Variants in DPP10 observed in about 807,000 individuals in gnomAD.
DPP10 encodes the protein dipeptidyl peptidase like 10.
A neutral mutation model predicts 120.9 loss-of-function variants in DPP10; 33 were observed. The observed-to-expected ratio is 0.27, with a 90% CI of 0.21 to 0.37. DPP10 has a LOEUF of 0.37. DPP10 is among the 10% of genes least tolerant of loss of function. The pLI, the probability that DPP10 is intolerant of heterozygous loss-of-function variation, is 1.00. For synonymous variants in DPP10, 337 were observed against 326.1 expected, an observed-to-expected ratio of 1.03 and a Z score of -0.36; for missense variants, 816 against 942.8, an observed-to-expected ratio of 0.87 and a Z score of 1.76.
intron 1 of DPP10, among the ~76,000 whole-genome samples, chr2:115,014,927 G>A (rs902670462): frequency 5.4e-5 from 8 of 147,774 alleles, no homozygotes; most frequent in Non-Finnish European, 1.0e-4. Flanking sequence ...GAGGTACAAA[G>A]AGGAGCTGGT....
chr2:115,568,416 G>C (rs1483668196), intron 5 of DPP10, among the ~76,000 whole-genome samples: 1 of 152,198 alleles, frequency 6.6e-6, no homozygotes, highest in East Asian at 1.9e-4. Flanking sequence ...CCGGGAGGCA[G>C]AGCTTGCAGT....
At chr2:115,193,865 G>A (rs891521526) in intron 1 of DPP10, among the ~76,000 whole-genome samples, 8 of 152,078 alleles carry the variant, frequency 5.3e-5, no homozygotes, top group Admixed American at 1.3e-4. Flanking sequence ...GTGTCATCCA[G>A]TCCTGAAGGG....
At chr2:115,555,455 A>G (rs972661548) in intron 5 of DPP10, among the ~76,000 whole-genome samples, 3 of 152,128 alleles carry the variant, frequency 2.0e-5, no homozygotes, top group Non-Finnish European at 4.4e-5. Context: ...AATATATGGG[A>G]AAACTACGAT....
intron 1 of DPP10, among the ~76,000 whole-genome samples, chr2:114,687,080 T>C (rs748555953): frequency 1.3e-5 from 2 of 151,964 alleles, no homozygotes; most frequent in Non-Finnish European, 2.9e-5. Context: ...AATTCCCACG[T>C]AGGATAGGGT....
chr2:114,498,369 T>G (rs1682862572), intron 1 of DPP10, among the ~76,000 whole-genome samples: 2 of 152,276 alleles, frequency 1.3e-5, no homozygotes, highest in East Asian at 3.9e-4. Flanking sequence ...TATTCTCTAC[T>G]TCTGTAAGTT....
At chr2:115,556,185 T>C (rs2080198368) in intron 5 of DPP10, among the ~76,000 whole-genome samples, 1 of 152,032 alleles carries the variant, frequency 6.6e-6, no homozygotes, top group South Asian at 2.1e-4. Flanking sequence ...TTTTGTTTAA[T>C]AGCCAGATAC....
chr2:115,727,945 A>G lies in DPP10; in HGVS notation c.697+9A>G, dbSNP rs1223500354. On this transcript the variant is annotated intron_variant, in intron 8 of 25. Transcript: ENST00000410059. ...TGACTGGTTATATGAAGGTGAGTTG[A>G]TCAGATTTAGTTTCAAAGGAAACAA... 6.3e-7 allele frequency: 1 copy of G among 1,592,818 alleles called. No homozygotes were observed. The highest frequency in any genetic ancestry group is 8.5e-7 in the Non-Finnish European group (1 of 1,173,356).
At chr2:115,496,923 G>T (rs1434959737) in intron 3 of DPP10, among the ~76,000 whole-genome samples, 1 of 152,016 alleles carries the variant, frequency 6.6e-6, no homozygotes, top group Non-Finnish European at 1.5e-5. Flanking sequence ...CTGCTGATTG[G>T]TTGGGGGGGA....
At chr2:115,772,763 C>T (rs973327772) in intron 13 of DPP10, among the ~76,000 whole-genome samples, 5 of 152,172 alleles carry the variant, frequency 3.3e-5, no homozygotes, top group Non-Finnish European at 7.3e-5. Context: ...TCCTGCAATT[C>T]AGGCTGCAGT....
chr2:115,386,502 A>G (rs933901481), intron 3 of DPP10, among the ~76,000 whole-genome samples: 1 of 151,888 alleles, frequency 6.6e-6, no homozygotes, highest in Non-Finnish European at 1.5e-5. Context: ...GACAAAAGAA[A>G]AGGATTTTGA....
intron 1 of DPP10, among the ~76,000 whole-genome samples, chr2:114,542,863 C>T (rs1221930345): frequency 6.6e-6 from 1 of 152,194 alleles, no homozygotes; most frequent in Non-Finnish European, 1.5e-5. Flanking sequence ...ATCTGCCTCT[C>T]ATTTCTTAGG....
At chr2:115,295,505 A>C (rs2060844870) in intron 1 of DPP10, among the ~76,000 whole-genome samples, 1 of 152,128 alleles carries the variant, frequency 6.6e-6, no homozygotes. Context: ...GTAGTTGAGA[A>C]GTTAAAACAC....
At chr2:115,473,862 G>C (rs1284675929) in intron 3 of DPP10, among the ~76,000 whole-genome samples, 1 of 152,108 alleles carries the variant, frequency 6.6e-6, no homozygotes, top group Admixed American at 6.6e-5. Flanking sequence ...CTGGAGTCTG[G>C]TTTATTGTTG....
intron 1 of DPP10, among the ~76,000 whole-genome samples, chr2:114,831,857 A>AAAAT (rs10633933): frequency 1.1e-4 from 16 of 146,102 alleles, no homozygotes; most frequent in Admixed American, 4.8e-4. Flanking sequence ...AATTAAAAAA[A>AAAAT]ATATATATAT....
At chr2:114,909,085 GA>G (rs1694180425) in intron 1 of DPP10, among the ~76,000 whole-genome samples, 1 of 151,608 alleles carries the variant, frequency 6.6e-6, no homozygotes, top group Non-Finnish European at 1.5e-5. Context: ...TTTCAAATAT[GA>G]ATTTCAAAAT....
At chr2:114,716,072 C>A (rs10197102) in intron 1 of DPP10, among the ~76,000 whole-genome samples, 6,741 of 148,288 alleles carry the variant, frequency 0.045, 504 homozygotes, top group African/African-American at 0.16. Flanking sequence ...AAAAAACAAA[C>A]GCACTTAAGA....
Position 115,791,082 on chromosome 2 carries a change from A to C in DPP10, c.1533A>C (p.Lys511Asn), listed in dbSNP as rs772185092. Residue 511 changes from lysine to asparagine, a missense_variant and splice_region_variant, in exon 18 of 26, where the codon AAA becomes AAC. By Grantham distance (94) the Lys-to-Asn change is moderately conservative. Around this residue, in one of 3 missense-constraint regions of DPP10, gnomAD observed 592 missense variants for 649.0 expected, o/e 0.91. Coordinates refer to ENST00000410059, the MANE Select transcript of DPP10 (RefSeq NM_020868.6). ...TACACTACCCTTTTTGGTTTACAGA[A>C]TATTTTATATTGGAAAGCAATTCTA... Reference protein sequence around the residue: ...VSLHSTDNPAKYFILESNSML... With the variant: ...VSLHSTDNPANYFILESNSML... The C allele has an allele frequency of 3.1e-6, 5 of 1,609,840 alleles. No individual in the cohort carries two copies. The Admixed American group carries it at 8.4e-5, about 27-fold the overall frequency.
chr2:115,543,665 A>G (rs555521353), intron 5 of DPP10, among the ~76,000 whole-genome samples: 1 of 152,100 alleles, frequency 6.6e-6, no homozygotes, highest in South Asian at 2.1e-4. Flanking sequence ...CATGCCTAGA[A>G]TATAGAATCA....
At chr2:114,681,684 A>C (rs1396432806) in intron 1 of DPP10, among the ~76,000 whole-genome samples, 2 of 151,992 alleles carry the variant, frequency 1.3e-5, no homozygotes, top group African/African-American at 4.8e-5. Flanking sequence ...GAAAGAATAC[A>C]TTTTACAAAG....
Sources: gnomAD v4.1 joint callset for allele counts (sites outside exome capture counted in the v4.1 genomes callset) on GRCh38, gnomAD v4.1.1 for gene constraint, gnomAD v4.1.1 regional missense constraint, MANE v1.5 for transcripts, NCBI Gene and HGNC (gene_info 2026-07-23, HGNC 2026-07-21) for gene names.